PACS2: variants seen among roughly 807,000 people sequenced by gnomAD.
PACS2 encodes phosphofurin acidic cluster sorting protein 2.
In PACS2, 36 loss-of-function variants were observed where a neutral mutation model predicts 113.0. That is an observed-to-expected ratio of 0.32 (90% confidence interval 0.24 to 0.42). The LOEUF (loss-of-function observed/expected upper bound fraction) is 0.42, where lower values mean the gene tolerates loss of function less well. Ranked by LOEUF, PACS2 falls within the 10% of genes least tolerant of loss-of-function variation. PACS2 has a pLI of 1.00. For synonymous variants in PACS2, 589 were observed against 536.1 expected (o/e 1.10, Z -1.36); for missense variants, 1,015 against 1,239.5 (o/e 0.82, Z 2.72).
chr14:105,316,404 G>T (rs2058633607), intron 1 of PACS2, among the ~76,000 whole-genome samples: 1 of 152,194 alleles, frequency 6.6e-6, no homozygotes, highest in Admixed American at 6.5e-5. Context: ...CCAATGTCAG[G>T]TCCCACAGCC....
rs782813009 is a variant in PACS2 at position 105,383,390 on chromosome 14, G to A, written c.1657G>A (p.Val553Met). ...CNCNSQPPTP[V>M]KIAVAGAQHY... The stretch of plus-strand genomic sequence containing the variant: ...CTGCAATTCCCAGCCCCCGACCCCC[G>A]TGAAGATCGCCGTGGCGGGAGCGCA... The change falls in exon 16 of 25, where the codon GTG becomes ATG. Residue 553 changes from valine to methionine, a missense_variant. By Grantham distance (21) the Val-to-Met change is conservative (BLOSUM62 1). This residue lies in a region of PACS2 where 859 missense variants were observed against 1,056.8 expected (regional missense o/e 0.81). Transcript: ENST00000447393. 1.4e-5 allele frequency: 23 copies of A among 1,608,794 alleles called. No individual in the cohort carries two copies. Among genetic ancestry groups the A allele is most frequent in the Non-Finnish European group, 1.8e-5 (21 of 1,179,958 alleles).
intron 1 of PACS2, among the ~76,000 whole-genome samples, chr14:105,327,452 G>A (rs1369884128): frequency 6.6e-6 from 1 of 152,204 alleles, no homozygotes; most frequent in African/African-American, 2.4e-5. Flanking sequence ...TCGGCAAGTG[G>A]TGACAGGGGG....
At position 105,307,207 on chromosome 14, in the gene PACS2, C is replaced by T. The variant is rs1453487774; in HGVS notation, c.-83+6228C>T. On this transcript the variant is annotated intron_variant, in intron 1 of 23. Coordinates refer to the PACS2 transcript ENST00000430725. Reference sequence around the variant, plus strand: ...TCCCAGGCTTGAGCCACCGTGCAGGCTGAGCATACCTTTGATATGCAGAGC... The same window carrying T: ...TCCCAGGCTTGAGCCACCGTGCAGGTTGAGCATACCTTTGATATGCAGAGC... Among the ~76,000 whole-genome samples the T allele has an allele frequency of 2.6e-5, 4 of 152,026 alleles. No individual in the cohort carries two copies. In the East Asian group the frequency reaches 7.7e-4, roughly 29 times the overall value.
At chr14:105,326,112 T>C (rs953115496) in intron 1 of PACS2, among the ~76,000 whole-genome samples, 8 of 152,244 alleles carry the variant, frequency 5.3e-5, no homozygotes, top group African/African-American at 1.9e-4. Flanking sequence ...GCAAAATAAT[T>C]GGGCAAGACT....
chr14:105,320,833 G>A (rs2058858269), intron 1 of PACS2, among the ~76,000 whole-genome samples: 1 of 152,166 alleles, frequency 6.6e-6, no homozygotes, highest in Non-Finnish European at 1.5e-5. Flanking sequence ...TTTCTTCCTT[G>A]AATGTTTGGG....
intron 1 of PACS2, among the ~76,000 whole-genome samples, chr14:105,338,501 CAGCTCGCTCA>C (rs2059610196): frequency 6.6e-6 from 1 of 152,190 alleles, no homozygotes; most frequent in Non-Finnish European, 1.5e-5. Context: ...GACCCTGCCA[CAGCTCGCTCA>C]CCCCAGGTCC....
intron 15 of PACS2, 120 bp downstream of exon 15, chr14:105,383,033 C>A: frequency 1.5e-6 from 1 of 675,262 alleles, no homozygotes; most frequent in Non-Finnish European, 2.6e-6. Context: ...GGCTGGTGTC[C>A]ACAGAGGCTG....
chr14:105,383,173 G>A (rs1287041514), intron 15 of PACS2, 186 bp from the exon 16 acceptor site: 2 of 711,220 alleles, frequency 2.8e-6, no homozygotes. Context: ...GGCCATGACT[G>A]TGTGGTCCCT....
At position 105,369,836 on chromosome 14, in the gene PACS2, T is replaced by C; in HGVS notation, c.742-5T>C. 6.3e-7 allele frequency: 1 copy of C among 1,589,556 alleles called. No individual in the cohort carries two copies. Among genetic ancestry groups the C allele is most frequent in the South Asian group, 1.1e-5 (1 of 88,292 alleles). On this transcript the variant is annotated splice_polypyrimidine_tract_variant and splice_region_variant and intron_variant, in intron 7 of 24. Coordinates refer to ENST00000447393, the MANE Select transcript of PACS2 (RefSeq NM_001100913.3). ...GGCTCTGACTCTGCACCGCCTGTCT[T>C]GCAGCAACAGAACTTCAAGCAGAAA...
At chr14:105,359,647 A>G (rs587736207) in intron 4 of PACS2, among the ~76,000 whole-genome samples, 1 of 137,196 alleles carries the variant, frequency 7.3e-6, no homozygotes, top group Non-Finnish European at 1.5e-5. Context: ...GCTGGAGTGC[A>G]GTGCCGCAAT....
At chr14:105,316,833 A>C (rs1461244215) in intron 1 of PACS2, among the ~76,000 whole-genome samples, 1 of 151,848 alleles carries the variant, frequency 6.6e-6, no homozygotes, top group Non-Finnish European at 1.5e-5. Flanking sequence ...GAGGAAGGGT[A>C]GGCAGGAGGA....
intron 1 of PACS2, among the ~76,000 whole-genome samples, chr14:105,327,720 A>G (rs754423188): frequency 5.9e-5 from 9 of 152,202 alleles, no homozygotes; most frequent in Non-Finnish European, 1.3e-4. Context: ...AATTAGCAAC[A>G]TGATATCCAG....
chr14:105,325,994 T>TCCC (rs2059088110), intron 1 of PACS2, among the ~76,000 whole-genome samples: 1 of 152,222 alleles, frequency 6.6e-6, no homozygotes, highest in South Asian at 2.1e-4. Flanking sequence ...CATCTTTTGT[T>TCCC]TAATTTGAGT....
chr14:105,368,893 A>G (rs76622358), intron 7 of PACS2, among the ~76,000 whole-genome samples: 5,056 of 152,178 alleles, frequency 0.033, 305 homozygotes, highest in African/African-American at 0.11. Context: ...TGGTTCCCCC[A>G]TTTTTGTTTG....
chr14:105,383,593 CGTGGCGTGTTGT>C, intron 16 of PACS2, 80 bp downstream of exon 16: 5 of 1,406,504 alleles, frequency 3.6e-6, no homozygotes, highest in Non-Finnish European at 3.8e-6. Context: ...TGTGGCGTGG[CGTGGCGTGTTGT>C]GTGGCGTGGC....
chr14:105,381,907 C>G lies in PACS2; in HGVS notation c.1269-7C>G, dbSNP rs1386019786. 3.2e-6 allele frequency: 5 copies of G among 1,550,318 alleles called. No homozygotes were observed. In the East Asian group the frequency reaches 1.2e-4, roughly 38 times the overall value. On this transcript the variant is annotated splice_polypyrimidine_tract_variant and splice_region_variant and intron_variant, in intron 12 of 24. Coordinates refer to ENST00000447393, the MANE Select transcript of PACS2 (RefSeq NM_001100913.3). Reference sequence around the variant, plus strand: ...ACAGCCACTTAGCCTGTCCTGGTCCCCAATAGGTCCGAGGGGAAGCAGGCT... The same window carrying G: ...ACAGCCACTTAGCCTGTCCTGGTCCGCAATAGGTCCGAGGGGAAGCAGGCT...
intron 4 of PACS2, among the ~76,000 whole-genome samples, chr14:105,362,242 C>T (rs1052938133): frequency 2.7e-5 from 4 of 150,902 alleles, no homozygotes; most frequent in Non-Finnish European, 4.4e-5. Flanking sequence ...CACAGTGAAA[C>T]ACCGTCTCTA....
At chr14:105,360,765 G>A (rs587622232) in intron 4 of PACS2, among the ~76,000 whole-genome samples, 4 of 152,134 alleles carry the variant, frequency 2.6e-5, no homozygotes, top group South Asian at 2.1e-4. Context: ...TGTCGCATGC[G>A]GTGCTGTTTG....
intron 1 of PACS2, among the ~76,000 whole-genome samples, chr14:105,343,639 G>A (rs782125242): frequency 6.6e-5 from 10 of 151,372 alleles, no homozygotes; most frequent in Non-Finnish European, 4.4e-5. Flanking sequence ...ATCTTTTCAT[G>A]TGCTTATTTG....
Sources: allele counts gnomAD v4.1 joint callset (sites outside exome capture counted in the v4.1 genomes callset), GRCh38; gene constraint gnomAD v4.1.1; regional missense constraint gnomAD v4.1.1; transcripts MANE v1.5; gene names NCBI Gene and HGNC (gene_info 2026-07-23, HGNC 2026-07-21).